LARGE1: variants seen among roughly 807,000 people sequenced by gnomAD.
LARGE1 encodes xylosyl- and glucuronyltransferase LARGE1.
A neutral mutation model predicts 87.6 loss-of-function variants in LARGE1; 43 were observed. The ratio of observed to expected loss-of-function variants is 0.49; its 90% CI spans 0.38 to 0.63. The LOEUF (loss-of-function observed/expected upper bound fraction) is 0.63, where lower values mean the gene tolerates loss of function less well. Ranked by LOEUF, LARGE1 falls within the 30% of genes least tolerant of loss-of-function variation. The pLI is 0.00. For missense variants in LARGE1, 802 were observed against 1,000.2 expected, an observed-to-expected ratio of 0.80 and a Z score of 2.67; for synonymous variants, 434 against 394.6, an observed-to-expected ratio of 1.10 and a Z score of -1.18.
intron 6 of LARGE1, among the ~76,000 whole-genome samples, chr22:33,562,711 G>A (rs568324859): frequency 3.9e-5 from 6 of 152,276 alleles, no homozygotes; most frequent in South Asian, 4.2e-4. Flanking sequence ...GACAATTCAC[G>A]TTGTTATTGG....
intron 10 of LARGE1, among the ~76,000 whole-genome samples, chr22:33,330,699 G>A (rs1937606072): frequency 6.6e-6 from 1 of 152,208 alleles, no homozygotes; most frequent in Non-Finnish European, 1.5e-5. Context: ...ATTAGCTACT[G>A]TCATTCCATA....
chr22:33,437,620 C>A (rs1413975671), intron 6 of LARGE1, among the ~76,000 whole-genome samples: 2 of 152,182 alleles, frequency 1.3e-5, no homozygotes, highest in East Asian at 3.9e-4. Flanking sequence ...TGGTCCTACA[C>A]TCTGCTCCAT....
intron 11 of LARGE1, among the ~76,000 whole-genome samples, chr22:33,181,886 A>C (rs1441032875): frequency 7.4e-6 from 1 of 135,436 alleles, no homozygotes. Flanking sequence ...GCTGTAATGC[A>C]GTGGCACGAT....
chr22:33,287,353 C>G (rs1931736258), intron 12 of LARGE1, among the ~76,000 whole-genome samples: 2 of 152,350 alleles, frequency 1.3e-5, no homozygotes, highest in South Asian at 4.1e-4. Context: ...CCTTATTTCC[C>G]TCTGCATAGA....
At chr22:33,186,790 T>C (rs1302770625) in intron 11 of LARGE1, among the ~76,000 whole-genome samples, 3 of 152,202 alleles carry the variant, frequency 2.0e-5, no homozygotes, top group Admixed American at 6.5e-5. Flanking sequence ...GGTCACATGA[T>C]ATAACATCAA....
intron 11 of LARGE1, among the ~76,000 whole-genome samples, chr22:33,241,627 T>C (rs951762513): frequency 1.3e-5 from 2 of 151,952 alleles, no homozygotes; most frequent in African/African-American, 4.8e-5. Context: ...TGTACATATA[T>C]GTATATATGT....
chr22:33,321,284 C>G (rs5998872), intron 10 of LARGE1, among the ~76,000 whole-genome samples: 2 of 152,228 alleles, frequency 1.3e-5, no homozygotes, highest in Non-Finnish European at 2.9e-5. Context: ...CAAACCTCAC[C>G]TGAAGGAGAC....
At chr22:33,763,634 G>A (rs549770791) in intron 1 of LARGE1, among the ~76,000 whole-genome samples, 86 of 152,182 alleles carry the variant, frequency 5.7e-4, no homozygotes, top group African/African-American at 2.1e-3. Flanking sequence ...GCACTTGACT[G>A]GCTGTGACCT....
At chr22:33,168,793 G>A (rs1156633352) in intron 11 of LARGE1, among the ~76,000 whole-genome samples, 2 of 152,112 alleles carry the variant, frequency 1.3e-5, no homozygotes, top group African/African-American at 4.8e-5. Flanking sequence ...CTAAGGTCTA[G>A]TTCAAATGTC....
At chr22:33,805,717 G>C (rs1295054811) in intron 1 of LARGE1, among the ~76,000 whole-genome samples, 1 of 151,594 alleles carries the variant, frequency 6.6e-6, no homozygotes, top group Non-Finnish European at 1.5e-5. Context: ...CTGGGCGACA[G>C]AGCAAGACTC....
In LARGE1 at chr22:33,364,413, G is replaced by C. The variant is rs531114900; in HGVS notation, c.1131+17506C>G. On this transcript the variant is annotated intron_variant, in intron 9 of 14. Transcript: ENST00000397394. ...TCTTTTGTTTTTTCAATCCCGTTCC[G>C]CGTTTACGAAGGACCTCCTAATTGC... Among the ~76,000 whole-genome samples, 40 of 152,068 alleles carry C rather than the reference G, an allele frequency of 2.6e-4. 1 individual carries two copies. In the South Asian group the frequency reaches 8.3e-3, roughly 32 times the overall value.
intron 7 of LARGE1, among the ~76,000 whole-genome samples, chr22:33,391,749 G>A (rs1290640203): frequency 1.3e-5 from 2 of 150,058 alleles, no homozygotes; most frequent in Non-Finnish European, 3.0e-5. Flanking sequence ...ATTATCCACA[G>A]GTTATTTCCT....
intron 2 of LARGE1, among the ~76,000 whole-genome samples, chr22:33,672,215 G>A (rs115963385): frequency 8.0e-4 from 122 of 152,286 alleles, no homozygotes; most frequent in African/African-American, 2.7e-3. Context: ...TGTCTCTCAC[G>A]CTCTTTCTTA....
chr22:33,667,193 T>A (rs1279461362), intron 2 of LARGE1, among the ~76,000 whole-genome samples: 1 of 152,230 alleles, frequency 6.6e-6, no homozygotes, highest in Non-Finnish European at 1.5e-5. Flanking sequence ...GAGAGTTATA[T>A]GAGTTTCTCC....
At chr22:33,677,126 G>A (rs2149286160) in intron 2 of LARGE1, among the ~76,000 whole-genome samples, 1 of 152,162 alleles carries the variant, frequency 6.6e-6, no homozygotes, top group South Asian at 2.1e-4. Flanking sequence ...GAACCCAGGT[G>A]TGTTGATGTG....
intron 6 of LARGE1, among the ~76,000 whole-genome samples, chr22:33,486,777 A>G (rs5994755): frequency 0.075 from 11,438 of 152,230 alleles, 1,257 homozygotes; most frequent in African/African-American, 0.24. Flanking sequence ...TGCTTTCTCC[A>G]TGTCCCTCTG....
intron 1 of LARGE1, among the ~76,000 whole-genome samples, chr22:33,862,740 A>G (rs749087242): frequency 5.9e-5 from 9 of 152,180 alleles, no homozygotes; most frequent in Admixed American, 3.3e-4. Context: ...GTTATAAAAC[A>G]TAAGTTCTTC....
At chr22:33,451,898 GC>G (rs1000920453) in intron 6 of LARGE1, among the ~76,000 whole-genome samples, 4 of 152,124 alleles carry the variant, frequency 2.6e-5, no homozygotes, top group Non-Finnish European at 2.9e-5. Context: ...TCATAGCTTA[GC>G]TCCCACTTAT....
At chr22:33,375,450 C>A (rs2147053567) in intron 9 of LARGE1, among the ~76,000 whole-genome samples, 1 of 152,198 alleles carries the variant, frequency 6.6e-6, no homozygotes, top group Non-Finnish European at 1.5e-5. Flanking sequence ...GAGTTTGAGA[C>A]CAGCCTGGCA....
Sources: gnomAD v4.1 joint callset for allele counts (sites outside exome capture counted in the v4.1 genomes callset) on GRCh38, gnomAD v4.1.1 for gene constraint, MANE v1.5 for transcripts, NCBI Gene and HGNC (gene_info 2026-07-23, HGNC 2026-07-21) for gene names.